NCAPH2: variants seen among roughly 807,000 people sequenced by gnomAD.
NCAPH2 encodes condensin-2 complex subunit H2.
In NCAPH2, 56 loss-of-function variants were observed where a neutral mutation model predicts 88.6. That is an observed-to-expected ratio of 0.63 (90% CI 0.51 to 0.79). NCAPH2 has a LOEUF of 0.79. NCAPH2 is among the 30% of genes least tolerant of loss of function. NCAPH2 has a pLI of 0.00. For missense variants in NCAPH2, 794 were observed against 792.0 expected, an observed-to-expected ratio of 1.00 and a Z score of -0.03; for synonymous variants, 378 against 313.6, an observed-to-expected ratio of 1.21 and a Z score of -2.17.
Position 50,508,313 on chromosome 22 carries a change from CT to C in NCAPH2, c.-22del. On this transcript the variant is annotated 5_prime_UTR_variant, in exon 1 of 20. Coordinates refer to ENST00000420993, the MANE Select transcript of NCAPH2 (RefSeq NM_152299.4). The stretch of plus-strand genomic sequence containing the variant: ...CCCTCGGAAGGCAGCCCTGCGGTCC[CT>C]TTGCCGCCCGTTCCCTCCCGGACAT... The C allele has an allele frequency of 6.8e-7, 1 of 1,473,766 alleles. No individual in the cohort carries two copies. Among genetic ancestry groups the C allele is most frequent in the Non-Finnish European group, 9.0e-7 (1 of 1,115,296 alleles). 91.3% of individuals were successfully genotyped at this position (1,473,766 alleles called of 1,614,324 possible).
intron 1 of NCAPH2, among the ~76,000 whole-genome samples, chr22:50,510,142 C>G (rs994338879): frequency 6.6e-6 from 1 of 152,172 alleles, no homozygotes; most frequent in East Asian, 1.9e-4. Flanking sequence ...AGGATGGTCT[C>G]GATCTCCTGA....
chr22:50,518,154 C>T lies in NCAPH2; in HGVS notation c.522C>T (p.Ala174=). The change falls in exon 7 of 20, where the codon GCC becomes GCT. Residue 174 remains alanine (A), a synonymous_variant. Coordinates refer to ENST00000420993, the MANE Select transcript of NCAPH2 (RefSeq NM_152299.4). ...ACAGCCGTCAGGGTGAGGTCCTGGC[C>T]AGCCGGAAGGATTTCAGGATGAACA... ...PLYSRQGEVL[A]SRKDFRMNTC... The T allele has an allele frequency of 6.2e-7, 1 of 1,614,068 alleles. No individual in the cohort carries two copies. The highest frequency in any genetic ancestry group is 1.1e-5 in the South Asian group (1 of 91,080).
At chr22:50,510,885 C>T (rs1332168947) in intron 1 of NCAPH2, among the ~76,000 whole-genome samples, 21 of 150,644 alleles carry the variant, frequency 1.4e-4, no homozygotes, top group Admixed American at 9.9e-4. Flanking sequence ...CTTACTCTGT[C>T]GCCCAGGCTG....
chr22:50,510,633 G>A (rs1312060534), intron 1 of NCAPH2, among the ~76,000 whole-genome samples: 4 of 151,130 alleles, frequency 2.6e-5, no homozygotes, highest in Non-Finnish European at 4.4e-5. Flanking sequence ...CGCCACATTG[G>A]CCAGGCTGGT....
chr22:50,509,151 T>G (rs932652358), intron 1 of NCAPH2, among the ~76,000 whole-genome samples: 2 of 152,188 alleles, frequency 1.3e-5, no homozygotes, highest in Non-Finnish European at 2.9e-5. Context: ...CTATCCAGTC[T>G]CTAAGTGTTG....
chr22:50,521,509 A>G, intron 10 of NCAPH2, 34 bp from the exon 11 acceptor site: 1 of 1,610,558 alleles, frequency 6.2e-7, no homozygotes, highest in Non-Finnish European at 8.5e-7. Flanking sequence ...TGCACCCCCT[A>G]CTTCTCCAGC....
At position 50,524,450 on chromosome 22, in the gene NCAPH2, G is replaced by A. The variant is rs760859798; in HGVS notation, c.*1075G>A. On this transcript the variant is annotated 3_prime_UTR_variant, in exon 20 of 20. Coordinates refer to ENST00000420993, the MANE Select transcript of NCAPH2 (RefSeq NM_152299.4). ...CTGGAAACAAGCACAGGCGTCAGGA[G>A]CCAGAAGGGAAGGCCCAGGACAGTG... 8 of 1,603,430 alleles carry A rather than the reference G, an allele frequency of 5.0e-6. No homozygotes were observed. The East Asian group carries it at 1.3e-4, about 27-fold the overall frequency.
At chr22:50,512,324 G>C (rs2068806375) in intron 1 of NCAPH2, among the ~76,000 whole-genome samples, 2 of 152,354 alleles carry the variant, frequency 1.3e-5, no homozygotes, top group South Asian at 2.1e-4. Context: ...CAGAGCTCCT[G>C]TGGATTCAGG....
chr22:50,511,894 G>T (rs867664108), intron 1 of NCAPH2, among the ~76,000 whole-genome samples: 31 of 151,984 alleles, frequency 2.0e-4, no homozygotes, highest in Admixed American at 8.5e-4. Context: ...TGATCCACCC[G>T]CCTCGGCCTC....
chr22:50,524,612 C>T lies in NCAPH2; in HGVS notation c.*1237C>T, dbSNP rs377307487. On this transcript the variant is annotated 3_prime_UTR_variant, in exon 20 of 20. Transcript: ENST00000420993. ...CCAAACATCCACACCTGGGCAACCA[C>T]ACCTGTCACTCCTGTCCTCTACCTG... 39 of 714,674 alleles carry T rather than the reference C, an allele frequency of 5.5e-5. 1 individual carries two copies. In the African/African-American group the frequency reaches 6.3e-4, roughly 12 times the overall value. 44.3% of individuals were successfully genotyped at this position (714,674 alleles called of 1,614,324 possible).
Position 50,523,782 on chromosome 22 carries a change from A to G in NCAPH2, c.*407A>G, listed in dbSNP as rs1313787581. 1.2e-6 allele frequency: 2 copies of G among 1,614,032 alleles called. No homozygotes were observed. Among genetic ancestry groups the G allele is most frequent in the Non-Finnish European group, 8.5e-7 (1 of 1,180,038 alleles). ...CCTGGTCCTCATCCTTGGGGCCTGC[A>G]TTGTAGTACACGCGGTAACTGTGAC... is the stretch of plus-strand genomic sequence containing the variant. On this transcript the variant is annotated 3_prime_UTR_variant, in exon 20 of 20. Transcript: ENST00000420993.
intron 1 of NCAPH2, among the ~76,000 whole-genome samples, chr22:50,511,581 G>A (rs1329162339): frequency 7.1e-6 from 1 of 141,274 alleles, no homozygotes; most frequent in Non-Finnish European, 1.5e-5. Flanking sequence ...CTGAGCCACC[G>A]CGTCCGATCC....
In NCAPH2 at chr22:50,524,155, T is replaced by G. The variant is rs2069218619; in HGVS notation, c.*780T>G. The G allele has an allele frequency of 6.2e-7, 1 of 1,611,416 alleles. No homozygotes were observed. The highest frequency in any genetic ancestry group is 8.5e-7 in the Non-Finnish European group (1 of 1,180,002). On this transcript the variant is annotated 3_prime_UTR_variant, in exon 20 of 20. Transcript: ENST00000420993. Reference sequence around the variant, plus strand: ...CAGGGCTTCTGTTCGCTTTTGCTGCTGCAGCCTCTCCTTCTCAGCCCTCAG... The same window carrying G: ...CAGGGCTTCTGTTCGCTTTTGCTGCGGCAGCCTCTCCTTCTCAGCCCTCAG...
Position 50,524,135 on chromosome 22 carries a change from C to T in NCAPH2, c.*760C>T. On this transcript the variant is annotated 3_prime_UTR_variant, in exon 20 of 20. Transcript: ENST00000420993. ...TGGCCCACAGCTGCCTGGCGCAGGGCTTCTGTTCGCTTTTGCTGCTGCAGC... is the reference window on the plus strand; with the variant it reads ...TGGCCCACAGCTGCCTGGCGCAGGGTTTCTGTTCGCTTTTGCTGCTGCAGC... 1 of 1,612,284 alleles carries T rather than the reference C, an allele frequency of 6.2e-7. No homozygotes were observed. Among genetic ancestry groups the T allele is most frequent in the Non-Finnish European group, 8.5e-7 (1 of 1,180,016 alleles).
chr22:50,519,411 G>A (rs1402850217), intron 9 of NCAPH2, 91 bp downstream of exon 9: 2 of 1,545,874 alleles, frequency 1.3e-6, no homozygotes, highest in Non-Finnish European at 1.7e-6. Flanking sequence ...GAGGACAGTG[G>A]TATGGCCTTG....
At chr22:50,521,172 A>G in intron 10 of NCAPH2, 136 bp downstream of exon 10, 1 of 979,632 alleles carries the variant, frequency 1.0e-6, no homozygotes, top group Non-Finnish European at 1.5e-6. Flanking sequence ...GCTCTCTTAA[A>G]GACCCCCTCA....
chr22:50,508,841 C>T (rs1463416359), intron 1 of NCAPH2, among the ~76,000 whole-genome samples: 1 of 152,204 alleles, frequency 6.6e-6, no homozygotes, highest in Non-Finnish European at 1.5e-5. Flanking sequence ...ATTTTCAAAC[C>T]AATTTCAAGC....
In NCAPH2 at chr22:50,523,627, C is replaced by T. The variant is rs765618296; in HGVS notation, c.*252C>T. 1.8e-5 allele frequency: 29 copies of T among 1,613,418 alleles called. No homozygotes were observed. Among genetic ancestry groups the T allele is most frequent in the South Asian group, 7.7e-5 (7 of 91,060 alleles). ...TGCAGTGGCTCAAGACAGGACACTG[C>T]GGAAAGCCGCCATGTGCCGCCGCAC... On this transcript the variant is annotated 3_prime_UTR_variant, in exon 20 of 20. Coordinates refer to ENST00000420993, the MANE Select transcript of NCAPH2 (RefSeq NM_152299.4).
Position 50,524,333 on chromosome 22 carries a change from C to T in NCAPH2, c.*958C>T. On this transcript the variant is annotated 3_prime_UTR_variant, in exon 20 of 20. Transcript: ENST00000420993. ...GACCTCAGATGCAGGGCCTGGCCTC[C>T]CAGGGTCCCAGGGAGGACCCGAGGC... 1 of 1,601,724 alleles carries T rather than the reference C, an allele frequency of 6.2e-7. No homozygotes were observed. The highest frequency in any genetic ancestry group is 8.5e-7 in the Non-Finnish European group (1 of 1,179,920).
Sources: allele counts gnomAD v4.1 joint callset (sites outside exome capture counted in the v4.1 genomes callset), GRCh38; gene constraint gnomAD v4.1.1; transcripts MANE v1.5; gene names NCBI Gene and HGNC (gene_info 2026-07-23, HGNC 2026-07-21).